The following SCRN3 variants were observed in gnomAD, a reference collection of about 807,000 sequenced individuals.
SCRN3 encodes secernin 3.
A neutral mutation model predicts 43.1 loss-of-function variants in SCRN3; 39 were observed. That is an observed-to-expected ratio of 0.91 (90% CI 0.70 to 1.18). The LOEUF is 1.18. SCRN3 is among the 50% of genes most tolerant of loss of function. The pLI is 0.00. For synonymous variants in SCRN3, 147 were observed against 163.1 expected (o/e 0.90, Z 0.75); for missense variants, 484 against 498.0 (o/e 0.97, Z 0.27).
intron 1 of SCRN3, 175 bp downstream of exon 1, chr2:174,395,992 G>T: frequency 2.9e-6 from 4 of 1,371,478 alleles, no homozygotes; most frequent in African/African-American, 1.5e-5. Context: ...GACCAAAGGT[G>T]CTTGAAGCTC....
chr2:174,404,085 CT>C lies in SCRN3; in HGVS notation c.542-16del. ...TATGACTTTTCTTCTCCTTTCTCCT[CT>C]TCTTCTTTGAAAATAGAGGGAGTTC... On this transcript the variant is annotated splice_polypyrimidine_tract_variant and intron_variant, in intron 4 of 7. Transcript: ENST00000272732. 1 of 1,593,840 alleles carries C rather than the reference CT, an allele frequency of 6.3e-7. No individual in the cohort carries two copies. Among genetic ancestry groups the C allele is most frequent in the Non-Finnish European group, 8.6e-7 (1 of 1,162,212 alleles).
intron 6 of SCRN3, 62 bp from the exon 7 acceptor site, chr2:174,424,413 A>G: frequency 1.7e-6 from 2 of 1,177,220 alleles, no homozygotes; most frequent in Non-Finnish European, 2.4e-6. Context: ...TAGAAGACTT[A>G]GACTAACACT....
rs188398449 is a variant in SCRN3 at position 174,416,757 on chromosome 2, C to T, written c.755-6128C>T. 4.7e-4 allele frequency among the ~76,000 whole-genome samples: 72 copies of T among 152,254 alleles called. No individual in the cohort carries two copies. In the Middle Eastern group the frequency reaches 0.01, roughly 22 times the overall value. On this transcript the variant is annotated intron_variant, in intron 5 of 7. Transcript: ENST00000272732. ...ATTTTCAGTCTTTTATTGACAGGTA[C>T]ACAGGAAGTGGCAAAGGATCTTTTT... is the stretch of plus-strand genomic sequence containing the variant.
chr2:174,400,635 A>C (rs921428450), intron 3 of SCRN3, among the ~76,000 whole-genome samples: 1 of 152,178 alleles, frequency 6.6e-6, no homozygotes, highest in Non-Finnish European at 1.5e-5. Flanking sequence ...AGAAGTAGGA[A>C]ATTATAATTC....
In SCRN3 at chr2:174,400,088, G is replaced by C; in HGVS notation, c.326G>C (p.Gly109Ala). ...EEVCDEEALL[G>A]MDLVRLGLER... ...GTTTGTGATGAAGAAGCACTATTAG[G>C]AATGGACCTTGTCAGGTTATTTTTT... is the stretch of plus-strand genomic sequence containing the variant. The change falls in exon 3 of 8, where the codon GGA becomes GCA. Residue 109 changes from glycine (G) to alanine (A), a missense_variant. Coordinates refer to ENST00000272732, the MANE Select transcript of SCRN3 (RefSeq NM_024583.5). 6.4e-7 allele frequency: 1 copy of C among 1,572,860 alleles called. No individual in the cohort carries two copies. Among genetic ancestry groups the C allele is most frequent in the Non-Finnish European group, 8.6e-7 (1 of 1,164,462 alleles).
rs1354242385 is a variant in SCRN3 at position 174,404,292 on chromosome 2, A to G, written c.731A>G (p.Tyr244Cys). ...MTSSGRYCEG[Y>C]KLLNKHKGNI... ...TCATCAGGCAGATACTGTGAGGGCTACAAGCTTCTAAATAAGCACAAAGGT... is the reference window on the plus strand; with the variant it reads ...TCATCAGGCAGATACTGTGAGGGCTGCAAGCTTCTAAATAAGCACAAAGGT... The change falls in exon 5 of 8, where the codon TAC becomes TGC. Residue 244 changes from tyrosine (Y) to cysteine (C), a missense_variant. Transcript: ENST00000272732. 6.2e-7 allele frequency: 1 copy of G among 1,613,232 alleles called. No homozygotes were observed. Among genetic ancestry groups the G allele is most frequent in the Non-Finnish European group, 8.5e-7 (1 of 1,179,324 alleles).
At chr2:174,424,281 T>C (rs1309010371) in intron 6 of SCRN3, among the ~76,000 whole-genome samples, 194 bp from the exon 7 acceptor site, 1 of 152,212 alleles carries the variant, frequency 6.6e-6, no homozygotes. Context: ...AAATAAAGTA[T>C]GGTTCCCTGC....
chr2:174,400,543 C>T (rs1429556674), intron 3 of SCRN3, among the ~76,000 whole-genome samples: 1 of 152,174 alleles, frequency 6.6e-6, no homozygotes, highest in African/African-American at 2.4e-5. Context: ...TAGCCATTCT[C>T]CTGCCTCAGC....
chr2:174,400,095 C>T lies in SCRN3; in HGVS notation c.333C>T (p.Asp111=), dbSNP rs750313032. The change falls in exon 3 of 8, where the codon GAC becomes GAT. Residue 111 remains aspartate (D), a synonymous_variant. Transcript: ENST00000272732. ...ATGAAGAAGCACTATTAGGAATGGA[C>T]CTTGTCAGGTTATTTTTTGTTACAT... The part of the protein sequence containing the change: ...VCDEEALLGM[D]LVRLGLERAD... 4.5e-6 allele frequency: 7 copies of T among 1,561,042 alleles called. No homozygotes were observed. The highest frequency in any genetic ancestry group is 6.0e-6 in the Non-Finnish European group (7 of 1,160,080).
intron 6 of SCRN3, among the ~76,000 whole-genome samples, chr2:174,423,837 A>ACTCT (rs1686387616): frequency 2.8e-5 from 4 of 143,108 alleles, no homozygotes; most frequent in Admixed American, 1.4e-4. Context: ...CCAGGCTAGA[A>ACTCT]TGGAGTGCAG....
At chr2:174,406,333 G>T (rs559151070) in intron 5 of SCRN3, among the ~76,000 whole-genome samples, 3,101 of 139,780 alleles carry the variant, frequency 0.022, 132 homozygotes, top group African/African-American at 0.071. Flanking sequence ...TGCTGAAGTT[G>T]CTTATCAGCT....
chr2:174,421,130 C>T (rs1475032636), intron 5 of SCRN3, among the ~76,000 whole-genome samples: 1 of 152,086 alleles, frequency 6.6e-6, no homozygotes, highest in East Asian at 1.9e-4. Flanking sequence ...AACTTTTCAA[C>T]AGAAGGGAGG....
chr2:174,398,949 A>G (rs1685416054), intron 2 of SCRN3, among the ~76,000 whole-genome samples: 1 of 152,238 alleles, frequency 6.6e-6, no homozygotes, highest in East Asian at 1.9e-4. Context: ...TAGGAAAGTC[A>G]TCCCAGACTT....
At chr2:174,408,361 C>T (rs1337301773) in intron 5 of SCRN3, among the ~76,000 whole-genome samples, 8 of 135,620 alleles carry the variant, frequency 5.9e-5, no homozygotes, top group Admixed American at 2.3e-4. Context: ...TGTCTCTGCA[C>T]GTGAGATGGG....
intron 1 of SCRN3, 124 bp from the exon 2 acceptor site, chr2:174,398,151 A>C (rs1357492301): frequency 1.7e-6 from 1 of 590,462 alleles, no homozygotes; most frequent in Non-Finnish European, 2.7e-6. Context: ...TAAAAAAATC[A>C]AAGCTTTAAT....
intron 5 of SCRN3, among the ~76,000 whole-genome samples, chr2:174,407,548 TGTTAGG>T (rs1457293877): frequency 3.9e-5 from 1 of 25,328 alleles, no homozygotes; most frequent in Non-Finnish European, 7.1e-5. Context: ...TTAATTGTGA[TGTTAGG>T]GTGTCAATTT....
chr2:174,427,411 C>T (rs567426736), intron 7 of SCRN3, among the ~76,000 whole-genome samples: 12 of 152,246 alleles, frequency 7.9e-5, no homozygotes, highest in Admixed American at 4.6e-4. Flanking sequence ...TCCACATACA[C>T]AGTTCATATG....
chr2:174,396,424 G>T, intron 1 of SCRN3: 2 of 569,942 alleles, frequency 3.5e-6, no homozygotes, highest in Non-Finnish European at 4.4e-6. Flanking sequence ...TGGCCCTTGG[G>T]ACTCCAGGTT....
At chr2:174,395,951 C>T (rs1468983501) in intron 1 of SCRN3, 134 bp downstream of exon 1, 5 of 1,399,298 alleles carry the variant, frequency 3.6e-6, no homozygotes, top group Non-Finnish European at 4.6e-6. Context: ...CGCCCAGGGC[C>T]GGGGTGCGGG....
Sources: gnomAD v4.1 joint callset for allele counts (sites outside exome capture counted in the v4.1 genomes callset) on GRCh38, gnomAD v4.1.1 for gene constraint, MANE v1.5 for transcripts, NCBI Gene and HGNC (gene_info 2026-07-23, HGNC 2026-07-21) for gene names.